Variants in PEBP4 observed in about 807,000 individuals in gnomAD.
PEBP4 encodes the protein phosphatidylethanolamine-binding protein 4.
In PEBP4, 22 loss-of-function variants were observed where a neutral mutation model predicts 23.9. That is an observed-to-expected ratio of 0.92 (90% CI 0.66 to 1.31). The LOEUF (loss-of-function observed/expected upper bound fraction) is 1.31, where lower values mean the gene tolerates loss of function less well. PEBP4 is among the 40% of genes most tolerant of loss of function. The pLI is 0.00. For synonymous variants in PEBP4, 112 were observed against 99.3 expected, an observed-to-expected ratio of 1.13 and a Z score of -0.76; for missense variants, 324 against 281.7, an observed-to-expected ratio of 1.15 and a Z score of -1.07.
chr8:22,895,510 T>C (rs1808571407), intron 3 of PEBP4: 1 of 152,184 alleles, frequency 6.6e-6, no homozygotes, highest in Admixed American at 6.5e-5. Flanking sequence ...TCATGACACA[T>C]CTAGGTGGAT....
intron 3 of PEBP4, among the ~76,000 whole-genome samples, chr8:22,919,914 G>T (rs1185945112): frequency 6.6e-6 from 1 of 152,190 alleles, no homozygotes; most frequent in Non-Finnish European, 1.5e-5. Context: ...CAGCCAAGGA[G>T]CTCCCAGAGC....
intron 4 of PEBP4, among the ~76,000 whole-genome samples, chr8:22,793,654 A>T (rs960360134): frequency 6.6e-6 from 1 of 152,186 alleles, no homozygotes; most frequent in Non-Finnish European, 1.5e-5. Context: ...CATTTCTAAT[A>T]TTCCATTATT....
chr8:22,797,789 T>C (rs551182325), intron 4 of PEBP4, among the ~76,000 whole-genome samples: 1 of 152,270 alleles, frequency 6.6e-6, no homozygotes, highest in African/African-American at 2.4e-5. Flanking sequence ...AAATTGTTCA[T>C]CTCCCTGGTC....
At chr8:22,894,162 G>A (rs939634154) in intron 3 of PEBP4, among the ~76,000 whole-genome samples, 10 of 152,140 alleles carry the variant, frequency 6.6e-5, no homozygotes, top group African/African-American at 1.9e-4. Flanking sequence ...AGAGTTTGGC[G>A]GAATTGCACG....
chr8:22,713,433 C>T lies in PEBP4; in HGVS notation c.621G>A (p.Gln207=). The part of the protein sequence containing the change: ...TQNYQDSPTL[Q]APRERASEPK... ...GCTCGCTGGCCCTTTCTCTGGGAGC[C>T]TGGAGGGTTGGTGAGTCCTGGTAGT... Residue 207 remains glutamine (Q), a synonymous_variant, in exon 7 of 7, where the codon CAG becomes CAA. Transcript: ENST00000256404. The T allele has an allele frequency of 1.9e-6, 3 of 1,613,516 alleles. No homozygotes were observed. Among genetic ancestry groups the T allele is most frequent in the Non-Finnish European group, 2.5e-6 (3 of 1,179,818 alleles).
intron 1 of PEBP4, among the ~76,000 whole-genome samples, chr8:22,939,040 C>A (rs555773724): frequency 2.1e-4 from 32 of 152,138 alleles, no homozygotes; most frequent in African/African-American, 7.7e-4. Context: ...TTTTATGTAC[C>A]TTTCATTTCA....
chr8:22,758,980 G>C (rs896024177), intron 4 of PEBP4, among the ~76,000 whole-genome samples: 4 of 152,002 alleles, frequency 2.6e-5, no homozygotes, highest in South Asian at 2.1e-4. Context: ...GAAGCCAGGG[G>C]AGGGGAGGAC....
In PEBP4 at chr8:22,798,721, C is replaced by CTTTTTTTTTTTTTTTTTTTTTTTTT. The variant is rs1806316448; in HGVS notation, c.357+18915_357+18916insAAAAAAAAAAAAAAAAAAAAAAAAA. The CTTTTTTTTTTTTTTTTTTTTTTTTT allele has an allele frequency of 2.6e-5, 2 of 77,102 alleles. 1 individual carries two copies. The allele number at this position is 77,102 out of a possible 1,614,324, so 4.8% of individuals were successfully genotyped here. A position where few individuals can be genotyped will look rare whatever the true frequency, so the allele number is the denominator to read the frequency against. Reference sequence around the variant, plus strand: ...ATGTCCATAAATTTTTTTTTCTTTTCTTTTTTCTTTTTTTTTTTTTTTTTT... The same window carrying CTTTTTTTTTTTTTTTTTTTTTTTTT: ...ATGTCCATAAATTTTTTTTTCTTTTCTTTTTTTTTTTTTTTTTTTTTTTTTTTTTTTCTTTTTTTTTTTTTTTTTT... On this transcript the variant is annotated intron_variant, in intron 4 of 6. Transcript: ENST00000256404.
chr8:22,913,545 C>T (rs1808994932), intron 3 of PEBP4, among the ~76,000 whole-genome samples: 1 of 152,168 alleles, frequency 6.6e-6, no homozygotes, highest in Non-Finnish European at 1.5e-5. Context: ...CCTCCAGCCC[C>T]TGCGGCCACA....
At chr8:22,895,863 CG>C (rs1036236812) in intron 3 of PEBP4, 2 of 152,172 alleles carry the variant, frequency 1.3e-5, no homozygotes, top group African/African-American at 4.8e-5. Context: ...CCAAGTTTGT[CG>C]GAAGTTCTGC....
At chr8:22,924,554 T>C in intron 2 of PEBP4, 1 of 628,488 alleles carries the variant, frequency 1.6e-6, no homozygotes, top group Non-Finnish European at 2.0e-6. Flanking sequence ...GGATCCGCAC[T>C]ACAACAGGTA....
Position 22,865,501 on chromosome 8 carries a change from GAGA to G in PEBP4, c.259-47769_259-47767del, listed in dbSNP as rs1253241742. ...GCCACCGCCCCCCCGGCCGCGCAGC[GAGA>G]AGGAGCCTCGGGGAAGAGCTAAAAA... is the stretch of plus-strand genomic sequence containing the variant. On this transcript the variant is annotated intron_variant, in intron 3 of 6. Transcript: ENST00000256404. The surrounding 1 kb of genome is among the most constrained non-coding windows in gnomAD (Gnocchi z 6.9). Among the ~76,000 whole-genome samples the G allele has an allele frequency of 1.3e-5, 2 of 151,934 alleles. No homozygotes were observed. The highest frequency in any genetic ancestry group is 6.5e-5 in the Admixed American group (1 of 15,274).
intron 3 of PEBP4, among the ~76,000 whole-genome samples, chr8:22,890,954 G>T (rs980848172): frequency 6.6e-6 from 1 of 152,092 alleles, no homozygotes; most frequent in Non-Finnish European, 1.5e-5. Flanking sequence ...TCAGCCTTGC[G>T]AGTAGCTGAG....
intron 3 of PEBP4, among the ~76,000 whole-genome samples, chr8:22,870,389 C>A (rs1807984389): frequency 6.6e-6 from 1 of 152,068 alleles, no homozygotes; most frequent in South Asian, 2.1e-4. Flanking sequence ...AAAGGCAAAA[C>A]TATGGAGATA....
chr8:22,790,377 G>C (rs1388655993), intron 4 of PEBP4, among the ~76,000 whole-genome samples: 1 of 152,182 alleles, frequency 6.6e-6, no homozygotes, highest in East Asian at 1.9e-4. Flanking sequence ...AGGGATTCAA[G>C]GGATGACGAG....
At chr8:22,869,361 C>T (rs1255510533) in intron 3 of PEBP4, among the ~76,000 whole-genome samples, 1 of 152,178 alleles carries the variant, frequency 6.6e-6, no homozygotes. Context: ...TATGTCTCCC[C>T]TACCAGAAAG....
intron 4 of PEBP4, among the ~76,000 whole-genome samples, chr8:22,781,503 T>C (rs901299074): frequency 6.6e-6 from 1 of 152,156 alleles, no homozygotes; most frequent in African/African-American, 2.4e-5. Context: ...CTCCATCCCT[T>C]ACTAGTCACC....
At chr8:22,812,106 T>A (rs1421752391) in intron 4 of PEBP4, among the ~76,000 whole-genome samples, 2 of 152,208 alleles carry the variant, frequency 1.3e-5, no homozygotes, top group African/African-American at 4.8e-5. Context: ...TTTTTCCTTG[T>A]CTCCACTCTG....
intron 3 of PEBP4, among the ~76,000 whole-genome samples, chr8:22,879,718 C>T (rs978903044): frequency 6.6e-6 from 1 of 152,122 alleles, no homozygotes; most frequent in Non-Finnish European, 1.5e-5. Context: ...GATTTCAGGC[C>T]TTAAGGCACA....
Sources: allele counts gnomAD v4.1 joint callset (sites outside exome capture counted in the v4.1 genomes callset), GRCh38; gene constraint gnomAD v4.1.1; non-coding constraint Gnocchi (gnomAD v3.1); transcripts MANE v1.5; gene names NCBI Gene and HGNC (gene_info 2026-07-23, HGNC 2026-07-21).